The following CTNNA2 variants were observed in gnomAD, a reference collection of about 807,000 sequenced individuals.
CTNNA2 encodes catenin alpha-2.
CTNNA2 carries 42 observed loss-of-function variants against 101.0 expected under a neutral mutation model. That is an observed-to-expected ratio of 0.42 (90% CI 0.32 to 0.54). The LOEUF (loss-of-function observed/expected upper bound fraction) is 0.54. Among genes scored for constraint, CTNNA2 ranks in the 20% least tolerant of loss-of-function variants. The probability of loss-of-function intolerance (pLI) is 0.14; values close to 1 mark genes in which losing one functional copy is unlikely to be tolerated. For missense variants in CTNNA2, 871 were observed against 1,223.1 expected (o/e 0.71, Z 4.29); for synonymous variants, 450 against 456.4 (o/e 0.99, Z 0.18).
At chr2:80,236,084 A>G (rs1252242608) in intron 7 of CTNNA2, among the ~76,000 whole-genome samples, 1 of 152,132 alleles carries the variant, frequency 6.6e-6, no homozygotes, top group Non-Finnish European at 1.5e-5. Context: ...TTCCTGCATT[A>G]GTTTGCTAGG....
chr2:79,623,781 G>A (rs1679136590), intron 1 of CTNNA2, among the ~76,000 whole-genome samples: 1 of 152,106 alleles, frequency 6.6e-6, no homozygotes, highest in Admixed American at 6.6e-5. Flanking sequence ...GTAAATGGAA[G>A]AAAAAGAAAA....
intron 3 of CTNNA2, among the ~76,000 whole-genome samples, chr2:79,823,362 C>T (rs1156774902): frequency 6.6e-6 from 1 of 152,136 alleles, no homozygotes; most frequent in Non-Finnish European, 1.5e-5. Context: ...GTTTAAGAGA[C>T]AGAACCATAA....
chr2:79,698,027 G>A (rs939734045), intron 2 of CTNNA2: 2 of 151,914 alleles, frequency 1.3e-5, no homozygotes, highest in East Asian at 1.9e-4. Flanking sequence ...AACAGTATTC[G>A]TGATAAAATA....
chr2:80,634,668 G>C (rs1672678992), intron 18 of CTNNA2, among the ~76,000 whole-genome samples: 1 of 152,102 alleles, frequency 6.6e-6, no homozygotes. Context: ...GGGAAGCAAG[G>C]AAACTAGTTA....
chr2:79,385,544 C>T lies in CTNNA2; in HGVS notation c.-135+11531C>T, dbSNP rs6733732. Among the ~76,000 whole-genome samples the T allele has an allele frequency of 9.5e-3, 1,405 of 148,082 alleles. 24 individuals carry two copies. The highest frequency in any genetic ancestry group is 0.033 in the African/African-American group (1,332 of 40,640). On this transcript the variant is annotated intron_variant, in intron 4 of 21. Transcript: ENST00000466387. ...ATTTTATTTTGTTTTACTTTTAGTT[C>T]TGGGATACAAGTGCAGAATGTGCAG...
At chr2:80,173,778 C>T (rs962540487) in intron 7 of CTNNA2, among the ~76,000 whole-genome samples, 2 of 152,090 alleles carry the variant, frequency 1.3e-5, no homozygotes, top group South Asian at 4.1e-4. Flanking sequence ...TCTGCAGTTA[C>T]ATGGATACTG....
At chr2:79,983,455 G>T (rs955357034) in intron 7 of CTNNA2, among the ~76,000 whole-genome samples, 1 of 152,062 alleles carries the variant, frequency 6.6e-6, no homozygotes, top group African/African-American at 2.4e-5. Flanking sequence ...GATAGGGAGG[G>T]TCTCCTTTAG....
At chr2:80,198,688 C>T (rs1321914242) in intron 7 of CTNNA2, among the ~76,000 whole-genome samples, 1 of 152,116 alleles carries the variant, frequency 6.6e-6, no homozygotes, top group South Asian at 2.1e-4. Flanking sequence ...AAATATGAAA[C>T]ACCATTCATT....
intron 4 of CTNNA2, among the ~76,000 whole-genome samples, chr2:79,462,550 G>A (rs374004106): frequency 1.3e-5 from 2 of 152,346 alleles, no homozygotes; most frequent in African/African-American, 4.8e-5. Context: ...GAAGCAGCCA[G>A]AGTATACGAC....
intron 4 of CTNNA2, among the ~76,000 whole-genome samples, chr2:79,471,213 T>C (rs78528385): frequency 1.1e-3 from 171 of 152,262 alleles, no homozygotes; most frequent in African/African-American, 3.9e-3. Flanking sequence ...GAGGCTGCCA[T>C]GTGATTATTA....
At chr2:80,504,744 G>A (rs376174758) in intron 9 of CTNNA2, among the ~76,000 whole-genome samples, 30 of 152,232 alleles carry the variant, frequency 2.0e-4, no homozygotes, top group East Asian at 7.7e-4. Context: ...ATTCAATGGA[G>A]GTATACACAA....
chr2:79,269,852 A>C (rs1309107596), intron 2 of CTNNA2, among the ~76,000 whole-genome samples: 1 of 152,074 alleles, frequency 6.6e-6, no homozygotes, highest in Non-Finnish European at 1.5e-5. Context: ...ATGTTCACTA[A>C]CTCATGGGCC....
intron 7 of CTNNA2, among the ~76,000 whole-genome samples, chr2:80,124,400 T>C (rs1371528423): frequency 1.3e-5 from 2 of 152,298 alleles, no homozygotes; most frequent in East Asian, 3.9e-4. Context: ...TGTCCCCATT[T>C]TACCAGTGAA....
intron 1 of CTNNA2, among the ~76,000 whole-genome samples, chr2:79,578,351 A>G (rs1273219242): frequency 6.6e-6 from 1 of 152,150 alleles, no homozygotes; most frequent in Non-Finnish European, 1.5e-5. Context: ...TTATTCTTTA[A>G]CGGTATATTC....
intron 7 of CTNNA2, among the ~76,000 whole-genome samples, chr2:80,375,840 G>A (rs1485095662): frequency 2.0e-5 from 3 of 151,258 alleles, no homozygotes; most frequent in Admixed American, 6.6e-5. Flanking sequence ...TGGGATTACA[G>A]GCATGAGCCA....
chr2:80,608,036 T>A lies in CTNNA2; in HGVS notation c.2296-148T>A, dbSNP rs1698167696. The A allele has an allele frequency of 8.3e-6, 5 of 603,194 alleles. No homozygotes were observed. In the East Asian group the frequency reaches 1.5e-4, roughly 18 times the overall value. 37.4% of individuals were successfully genotyped at this position (603,194 alleles called of 1,614,324 possible). A position where few individuals can be genotyped will look rare whatever the true frequency, so the allele number is the denominator to read the frequency against. On this transcript the variant is annotated intron_variant, in intron 16 of 18. Transcript: ENST00000402739. Reference sequence around the variant, plus strand: ...ATTCTAAACTACAGTCTGTGGCCTTTCTAAAATGCACTGTGAAAAAGTTAA... The same window carrying A: ...ATTCTAAACTACAGTCTGTGGCCTTACTAAAATGCACTGTGAAAAAGTTAA...
At chr2:79,627,656 G>T (rs1679409786) in intron 1 of CTNNA2, among the ~76,000 whole-genome samples, 1 of 152,080 alleles carries the variant, frequency 6.6e-6, no homozygotes, top group Admixed American at 6.6e-5. Flanking sequence ...ATATTAAAAT[G>T]GAATTCTACT....
chr2:79,687,302 T>C (rs770856603), intron 2 of CTNNA2, among the ~76,000 whole-genome samples: 2 of 152,166 alleles, frequency 1.3e-5, no homozygotes, highest in East Asian at 1.9e-4. Flanking sequence ...AATAGTATTG[T>C]CTTTTCCAAG....
intron 7 of CTNNA2, among the ~76,000 whole-genome samples, chr2:80,073,690 T>A (rs2148784767): frequency 6.6e-6 from 1 of 151,262 alleles, no homozygotes; most frequent in South Asian, 2.1e-4. Flanking sequence ...GTGCAGGCGC[T>A]CTCTGGTTTG....
Sources: allele counts gnomAD v4.1 joint callset (sites outside exome capture counted in the v4.1 genomes callset), GRCh38; gene constraint gnomAD v4.1.1; transcripts MANE v1.5; gene names NCBI Gene and HGNC (gene_info 2026-07-23, HGNC 2026-07-21).